The following GRID1 variants were observed in gnomAD, a reference collection of about 807,000 sequenced individuals.
The protein encoded by GRID1 is glutamate receptor ionotropic, delta-1.
In GRID1, 28 loss-of-function variants were observed where a neutral mutation model predicts 98.0. That is an observed-to-expected ratio of 0.29 (90% CI 0.21 to 0.39). The LOEUF (loss-of-function observed/expected upper bound fraction) is 0.39. GRID1 is among the 10% of genes least tolerant of loss of function. The probability of loss-of-function intolerance (pLI) is 1.00; values close to 1 mark genes in which losing one functional copy is unlikely to be tolerated. For missense variants in GRID1, 1,111 were observed against 1,340.5 expected (o/e 0.83, Z 2.67); for synonymous variants, 553 against 538.5 (o/e 1.03, Z -0.37).
intron 8 of GRID1, among the ~76,000 whole-genome samples, chr10:85,734,345 C>G (rs148873993): frequency 1.4e-3 from 217 of 152,210 alleles, no homozygotes; most frequent in African/African-American, 4.9e-3. Context: ...AGCTTCAAAT[C>G]ATTTTAGTTA....
At chr10:86,044,304 C>G (rs1397982236) in intron 4 of GRID1, among the ~76,000 whole-genome samples, 1 of 152,222 alleles carries the variant, frequency 6.6e-6, no homozygotes, top group Non-Finnish European at 1.5e-5. Flanking sequence ...TCCCTACTTG[C>G]TTGCTAATCA....
chr10:85,835,858 C>T (rs531438623), intron 8 of GRID1, among the ~76,000 whole-genome samples: 14 of 151,966 alleles, frequency 9.2e-5, no homozygotes, highest in African/African-American at 3.4e-4. Flanking sequence ...TGGAATCAGA[C>T]TAGAATTCAA....
chr10:85,793,803 A>G (rs1029050281), intron 8 of GRID1, among the ~76,000 whole-genome samples: 1 of 152,224 alleles, frequency 6.6e-6, no homozygotes, highest in Non-Finnish European at 1.5e-5. Context: ...CTTAGGTTGA[A>G]TGATTTAACC....
At chr10:85,962,312 T>C (rs11201851) in intron 4 of GRID1, among the ~76,000 whole-genome samples, 3,562 of 152,250 alleles carry the variant, frequency 0.023, 114 homozygotes, top group East Asian at 0.13. Flanking sequence ...GAAGTGATCT[T>C]CCCCTACAGC....
At chr10:85,905,068 C>A (rs973304185) in intron 5 of GRID1, among the ~76,000 whole-genome samples, 1 of 151,474 alleles carries the variant, frequency 6.6e-6, no homozygotes, top group Admixed American at 6.6e-5. Context: ...GAAAACCATG[C>A]CAAGGTACAT....
intron 4 of GRID1, among the ~76,000 whole-genome samples, chr10:85,947,062 G>A (rs947404313): frequency 2.0e-5 from 3 of 152,138 alleles, no homozygotes; most frequent in Non-Finnish European, 2.9e-5. Flanking sequence ...CTGTCCACCC[G>A]CACCATTATT....
At chr10:86,233,024 C>T (rs1036424448) in intron 2 of GRID1, among the ~76,000 whole-genome samples, 6 of 152,116 alleles carry the variant, frequency 3.9e-5, no homozygotes, top group Non-Finnish European at 5.9e-5. Flanking sequence ...TGCAGGAACC[C>T]TTCAGGATAA....
At chr10:86,234,390 A>G (rs997851403) in intron 2 of GRID1, among the ~76,000 whole-genome samples, 15 of 152,268 alleles carry the variant, frequency 9.9e-5, no homozygotes, top group Admixed American at 7.2e-4. Flanking sequence ...AAAGCCAAAC[A>G]ACGGCATTGG....
At chr10:85,815,677 C>T (rs1010005952) in intron 8 of GRID1, among the ~76,000 whole-genome samples, 35 of 151,920 alleles carry the variant, frequency 2.3e-4, no homozygotes, top group African/African-American at 8.0e-4. Flanking sequence ...AGAAGGTTTA[C>T]ATATGACACC....
At chr10:86,031,491 C>T (rs940101284) in intron 4 of GRID1, among the ~76,000 whole-genome samples, 11 of 152,082 alleles carry the variant, frequency 7.2e-5, no homozygotes, top group African/African-American at 2.2e-4. Context: ...GATCATTAGA[C>T]GCCCAAACCT....
At chr10:86,336,594 G>A (rs1333360874) in intron 2 of GRID1, among the ~76,000 whole-genome samples, 1 of 152,170 alleles carries the variant, frequency 6.6e-6, no homozygotes, top group South Asian at 2.1e-4. Context: ...CCGTCCTCTG[G>A]GTGCCTGGAA....
intron 5 of GRID1, among the ~76,000 whole-genome samples, chr10:85,914,682 T>C (rs1841587424): frequency 6.6e-6 from 1 of 152,174 alleles, no homozygotes; most frequent in African/African-American, 2.4e-5. Flanking sequence ...TGCACAATTA[T>C]TAAAATAAGC....
intron 2 of GRID1, among the ~76,000 whole-genome samples, chr10:86,208,629 A>C (rs1443309939): frequency 6.6e-6 from 1 of 152,100 alleles, no homozygotes; most frequent in Non-Finnish European, 1.5e-5. Flanking sequence ...CCCTTGTGGC[A>C]TTATCCCCCT....
intron 4 of GRID1, among the ~76,000 whole-genome samples, chr10:86,006,623 A>T (rs1842863919): frequency 6.6e-6 from 1 of 152,174 alleles, no homozygotes; most frequent in African/African-American, 2.4e-5. Context: ...TCTAAAAAAA[A>T]AAAAGCACTT....
At chr10:85,840,294 A>T (rs1842950245) in intron 8 of GRID1, among the ~76,000 whole-genome samples, 1 of 152,036 alleles carries the variant, frequency 6.6e-6, no homozygotes, top group Non-Finnish European at 1.5e-5. Flanking sequence ...CCTGGCAGAG[A>T]TACAACCAAA....
chr10:86,084,948 G>C (rs921490904), intron 4 of GRID1, among the ~76,000 whole-genome samples: 2 of 152,124 alleles, frequency 1.3e-5, no homozygotes, highest in African/African-American at 4.8e-5. Flanking sequence ...TTCTGGAAAC[G>C]GATGGTGGTG....
intron 2 of GRID1, among the ~76,000 whole-genome samples, chr10:86,343,401 T>G (rs1848338614): frequency 6.6e-6 from 1 of 152,322 alleles, no homozygotes; most frequent in African/African-American, 2.4e-5. Context: ...AAGAAGACAG[T>G]GGGCTTTACT....
At chr10:85,731,256 C>A (rs911302169) in intron 8 of GRID1, among the ~76,000 whole-genome samples, 3 of 151,836 alleles carry the variant, frequency 2.0e-5, no homozygotes, top group African/African-American at 7.3e-5. Flanking sequence ...CCACCAAGAC[C>A]CACTCCATCC....
chr10:85,652,730 A>G (rs1840839343), intron 12 of GRID1, among the ~76,000 whole-genome samples: 1 of 152,140 alleles, frequency 6.6e-6, no homozygotes, highest in Non-Finnish European at 1.5e-5. Context: ...CTGCACACTG[A>G]TAAGCCTCTC....
Sources: allele counts gnomAD v4.1 joint callset (sites outside exome capture counted in the v4.1 genomes callset), GRCh38; gene constraint gnomAD v4.1.1; transcripts MANE v1.5; gene names NCBI Gene and HGNC (gene_info 2026-07-23, HGNC 2026-07-21).